The following RAB31 variants were observed in gnomAD, a reference collection of about 807,000 sequenced individuals.
RAB31 encodes the protein RAB31, member RAS oncogene family.
Under a neutral mutation model 25.6 loss-of-function variants are expected in RAB31, and 21 were observed. The ratio of observed to expected loss-of-function variants is 0.82; its 90% CI spans 0.58 to 1.18. RAB31 has a LOEUF of 1.18. Among genes scored for constraint, RAB31 ranks in the 50% most tolerant of loss-of-function variants. The probability of loss-of-function intolerance (pLI) is 0.00; values close to 1 mark genes in which losing one functional copy is unlikely to be tolerated. For missense variants in RAB31, 196 were observed against 250.1 expected (o/e 0.78, Z 1.46); for synonymous variants, 87 against 84.0 (o/e 1.04, Z -0.20).
chr18:9,855,429 T>C (rs376528868), intron 6 of RAB31, among the ~76,000 whole-genome samples: 1 of 152,172 alleles, frequency 6.6e-6, no homozygotes, highest in African/African-American at 2.4e-5. Context: ...CCTTTTCAGA[T>C]GTTTTTGTAT....
At chr18:9,788,609 T>C (rs916369099) in intron 2 of RAB31, among the ~76,000 whole-genome samples, 4 of 152,186 alleles carry the variant, frequency 2.6e-5, no homozygotes, top group Non-Finnish European at 5.9e-5. Flanking sequence ...ACTCACAGAT[T>C]TATTGCTGCA....
chr18:9,842,011 G>A (rs1319438183), intron 5 of RAB31, among the ~76,000 whole-genome samples: 1 of 152,080 alleles, frequency 6.6e-6, no homozygotes, highest in Non-Finnish European at 1.5e-5. Flanking sequence ...CGAAACAAAG[G>A]CCTCCTATAA....
chr18:9,805,766 G>A lies in RAB31; in HGVS notation c.202-8254G>A, dbSNP rs144216631. On this transcript the variant is annotated intron_variant, in intron 3 of 6. Transcript: ENST00000578921. ...GAATGAATACATTTGATGTAAACCTGTGTCTTAATTATATCAACTGAAGCA... is the reference window on the plus strand; with the variant it reads ...GAATGAATACATTTGATGTAAACCTATGTCTTAATTATATCAACTGAAGCA... Among the ~76,000 whole-genome samples, 164 of 152,314 alleles carry A rather than the reference G, an allele frequency of 1.1e-3. 6 individuals carry two copies. In the East Asian group the frequency reaches 0.03, roughly 28 times the overall value.
chr18:9,738,106 C>T (rs1475500282), intron 1 of RAB31, among the ~76,000 whole-genome samples: 1 of 152,192 alleles, frequency 6.6e-6, no homozygotes, highest in Admixed American at 6.5e-5. Flanking sequence ...AAGCACAGCC[C>T]TGGTTCCAAT....
intron 1 of RAB31, among the ~76,000 whole-genome samples, chr18:9,718,842 G>A (rs1487722752): frequency 6.6e-6 from 1 of 150,852 alleles, no homozygotes; most frequent in Non-Finnish European, 1.5e-5. Flanking sequence ...ATTCATGAGA[G>A]CTCTAGCCTT....
intron 5 of RAB31, among the ~76,000 whole-genome samples, chr18:9,837,098 G>A (rs1176353818): frequency 2.2e-5 from 3 of 136,676 alleles, no homozygotes; most frequent in Non-Finnish European, 3.2e-5. Flanking sequence ...GAGGAATGGG[G>A]TGAGACACCT....
chr18:9,709,692 C>T lies in RAB31; in HGVS notation c.39+1248C>T, dbSNP rs187774941. On this transcript the variant is annotated intron_variant, in intron 1 of 6. Coordinates refer to ENST00000578921, the MANE Select transcript of RAB31 (RefSeq NM_006868.4). The stretch of plus-strand genomic sequence containing the variant: ...TCCAGAGGATCTGGGAAGGCCCTGC[C>T]CTCCCTGCTAGCCCCTGGCACAGAT... Among the ~76,000 whole-genome samples, 335 of 152,322 alleles carry T rather than the reference C, an allele frequency of 2.2e-3. 1 individual carries two copies. The highest frequency in any genetic ancestry group is 7.8e-3 in the African/African-American group (325 of 41,576).
At chr18:9,755,210 T>C (rs908068696) in intron 1 of RAB31, among the ~76,000 whole-genome samples, 2 of 152,242 alleles carry the variant, frequency 1.3e-5, no homozygotes, top group East Asian at 1.9e-4. Context: ...ATTAGTGGTC[T>C]TAATAATTCA....
chr18:9,773,860 T>C (rs2145490071), intron 1 of RAB31, among the ~76,000 whole-genome samples: 1 of 152,166 alleles, frequency 6.6e-6, no homozygotes, highest in African/African-American at 2.4e-5. Flanking sequence ...GGGGTCTTGC[T>C]ATGTTGCCCA....
chr18:9,797,259 T>G (rs1738213207), intron 3 of RAB31: 2 of 152,224 alleles, frequency 1.3e-5, no homozygotes, highest in African/African-American at 2.4e-5. Context: ...CAGAGAGAGT[T>G]TCTTGATTCT....
At chr18:9,838,028 T>G (rs2068713922) in intron 5 of RAB31, among the ~76,000 whole-genome samples, 2 of 152,240 alleles carry the variant, frequency 1.3e-5, no homozygotes, top group South Asian at 4.1e-4. Flanking sequence ...TCATCCTCAC[T>G]GAGACGGCTT....
chr18:9,763,125 C>T (rs561868579), intron 1 of RAB31, among the ~76,000 whole-genome samples: 5 of 152,110 alleles, frequency 3.3e-5, no homozygotes, highest in Admixed American at 3.3e-4. Flanking sequence ...GTCCCGGCAC[C>T]GAGACCATCT....
intron 3 of RAB31, among the ~76,000 whole-genome samples, chr18:9,813,154 G>A (rs1206327524): frequency 6.6e-6 from 1 of 152,178 alleles, no homozygotes; most frequent in Admixed American, 6.5e-5. Flanking sequence ...TAACATTTTG[G>A]AATGGAGCTC....
rs62081233 is a variant in RAB31 at position 9,805,351 on chromosome 18, G to A, written c.202-8669G>A. Reference sequence around the variant, plus strand: ...ATATCTGCAGACCTTAATCCTTCCTGGAGGTACAAGGGCAGAATCTTGTTT... The same window carrying A: ...ATATCTGCAGACCTTAATCCTTCCTAGAGGTACAAGGGCAGAATCTTGTTT... On this transcript the variant is annotated intron_variant, in intron 3 of 6. Transcript: ENST00000578921. Among the ~76,000 whole-genome samples the A allele has an allele frequency of 7.9e-3, 1,195 of 151,270 alleles. 3 individuals carry two copies. The highest frequency in any genetic ancestry group is 0.012 in the Non-Finnish European group (821 of 67,960).
chr18:9,801,205 G>A (rs1346076434), intron 3 of RAB31, among the ~76,000 whole-genome samples: 1 of 152,044 alleles, frequency 6.6e-6, no homozygotes, highest in Non-Finnish European at 1.5e-5. Flanking sequence ...CCACTCATCA[G>A]TTGATGGATA....
chr18:9,761,443 A>G (rs1323810795), intron 1 of RAB31, among the ~76,000 whole-genome samples: 13 of 152,214 alleles, frequency 8.5e-5, no homozygotes, highest in Admixed American at 6.5e-5. Context: ...TTAGTTGCCC[A>G]TTGCTGTTGT....
At chr18:9,806,427 C>A (rs749651334) in intron 3 of RAB31, among the ~76,000 whole-genome samples, 1 of 151,542 alleles carries the variant, frequency 6.6e-6, no homozygotes, top group Non-Finnish European at 1.5e-5. Context: ...GAGGGAGGGG[C>A]CTTGAGGATG....
At chr18:9,799,924 C>T (rs1298160541) in intron 3 of RAB31, among the ~76,000 whole-genome samples, 1 of 152,098 alleles carries the variant, frequency 6.6e-6, no homozygotes, top group Non-Finnish European at 1.5e-5. Flanking sequence ...CTCTGTTGTA[C>T]CATCAGTGTG....
At chr18:9,857,368 G>T (rs551837040) in intron 6 of RAB31, among the ~76,000 whole-genome samples, 50 of 152,186 alleles carry the variant, frequency 3.3e-4, no homozygotes, top group African/African-American at 1.1e-3. Context: ...TTGTCATTAG[G>T]TAACACCCAC....
Sources: gnomAD v4.1 joint callset for allele counts (sites outside exome capture counted in the v4.1 genomes callset) on GRCh38, gnomAD v4.1.1 for gene constraint, MANE v1.5 for transcripts, NCBI Gene and HGNC (gene_info 2026-07-23, HGNC 2026-07-21) for gene names.